The following SUPT3H variants were observed in gnomAD, a reference collection of about 807,000 sequenced individuals.
SUPT3H encodes the protein transcription initiation protein SPT3 homolog.
Under a neutral mutation model 44.3 loss-of-function variants are expected in SUPT3H, and 44 were observed. The ratio of observed to expected loss-of-function variants is 0.99; its 90% confidence interval spans 0.78 to 1.28. The LOEUF (loss-of-function observed/expected upper bound fraction) is 1.28. Ranked by LOEUF, SUPT3H falls within the 50% of genes most tolerant of loss-of-function variation. The pLI is 0.00. For missense variants in SUPT3H, 380 were observed against 387.1 expected (o/e 0.98, Z 0.15); for synonymous variants, 124 against 125.6 (o/e 0.99, Z 0.09).
intron 10 of SUPT3H, among the ~76,000 whole-genome samples, chr6:44,879,327 G>C (rs1487586687): frequency 1.3e-5 from 2 of 152,190 alleles, no homozygotes; most frequent in African/African-American, 4.8e-5. Context: ...GAACTGGGCA[G>C]AGCCCACTGC....
intron 3 of SUPT3H, among the ~76,000 whole-genome samples, chr6:45,069,391 A>G (rs1191332534): frequency 2.0e-5 from 3 of 152,202 alleles, no homozygotes; most frequent in African/African-American, 7.2e-5. Flanking sequence ...AAATCTGGAT[A>G]TCATCACCTG....
chr6:45,052,584 C>G (rs1790468154), intron 3 of SUPT3H, among the ~76,000 whole-genome samples: 1 of 152,144 alleles, frequency 6.6e-6, no homozygotes, highest in African/African-American at 2.4e-5. Flanking sequence ...CTCAGACACT[C>G]TTATTTAGCT....
chr6:45,365,884 T>TATG (rs3057619), intron 1 of SUPT3H, among the ~76,000 whole-genome samples: 62,806 of 151,394 alleles, frequency 0.41, 13,774 homozygotes, highest in Non-Finnish European at 0.5. Context: ...TCAAAAGCAT[T>TATG]ATATTTTATA....
At chr6:45,261,160 C>T (rs1774303375) in intron 2 of SUPT3H, among the ~76,000 whole-genome samples, 1 of 152,056 alleles carries the variant, frequency 6.6e-6, no homozygotes, top group African/African-American at 2.4e-5. Flanking sequence ...TAGTACCAAT[C>T]CTAGTGAAAT....
chr6:45,233,110 G>A (rs926900670), intron 2 of SUPT3H, among the ~76,000 whole-genome samples: 7 of 152,124 alleles, frequency 4.6e-5, no homozygotes, highest in Non-Finnish European at 8.8e-5. Context: ...TAGAAATTAC[G>A]CGCTTTAGTT....
intron 6 of SUPT3H, among the ~76,000 whole-genome samples, chr6:44,977,442 A>G (rs754685045): frequency 8.5e-5 from 13 of 152,128 alleles, no homozygotes; most frequent in Admixed American, 2.0e-4. Flanking sequence ...GATTCTCTGG[A>G]TTTTTTAAAA....
At chr6:45,025,003 T>C (rs1290666373) in intron 3 of SUPT3H, among the ~76,000 whole-genome samples, 1 of 152,204 alleles carries the variant, frequency 6.6e-6, no homozygotes, top group Non-Finnish European at 1.5e-5. Context: ...GTCTCCAGCT[T>C]GCCAAATGAA....
At chr6:45,030,891 C>A (rs1786814938) in intron 3 of SUPT3H, among the ~76,000 whole-genome samples, 1 of 152,178 alleles carries the variant, frequency 6.6e-6, no homozygotes, top group South Asian at 2.1e-4. Context: ...GGGCAAGGAT[C>A]TGCTATGAAA....
chr6:44,826,465 AC>A (rs1273038315), downstream of SUPT3H, among the ~76,000 whole-genome samples: 1 of 152,232 alleles, frequency 6.6e-6, no homozygotes, highest in Admixed American at 6.5e-5. Context: ...GTGTTTATGT[AC>A]TATGAAATGT....
chr6:45,170,439 C>A (rs183163404), intron 2 of SUPT3H, among the ~76,000 whole-genome samples: 1 of 152,306 alleles, frequency 6.6e-6, no homozygotes, highest in African/African-American at 2.4e-5. Flanking sequence ...AACCTCTCTG[C>A]CCTCTCCAGC....
chr6:45,025,115 C>T (rs2153520592), intron 3 of SUPT3H, among the ~76,000 whole-genome samples: 1 of 152,264 alleles, frequency 6.6e-6, no homozygotes, highest in East Asian at 1.9e-4. Flanking sequence ...CACACTCACA[C>T]ATACTTACTG....
intron 2 of SUPT3H, among the ~76,000 whole-genome samples, chr6:45,219,086 T>C (rs140813792): frequency 3.3e-5 from 5 of 152,122 alleles, no homozygotes; most frequent in Non-Finnish European, 4.4e-5. Flanking sequence ...CACCAAAATA[T>C]GTTTGATGCA....
At chr6:45,128,366 A>G (rs931893663) in intron 2 of SUPT3H, among the ~76,000 whole-genome samples, 10 of 150,806 alleles carry the variant, frequency 6.6e-5, no homozygotes, top group Non-Finnish European at 1.5e-4. Flanking sequence ...CTAGCCAGGC[A>G]TGGTGGCATG....
chr6:45,088,891 T>C (rs1197907771), intron 3 of SUPT3H, among the ~76,000 whole-genome samples: 2 of 152,088 alleles, frequency 1.3e-5, no homozygotes, highest in Non-Finnish European at 2.9e-5. Context: ...TACTGAACTA[T>C]TGTTTACAGG....
At chr6:44,907,247 C>T (rs144653771) in intron 10 of SUPT3H, among the ~76,000 whole-genome samples, 77 of 152,178 alleles carry the variant, frequency 5.1e-4, no homozygotes, top group African/African-American at 1.7e-3. Flanking sequence ...ACCTCCTTTA[C>T]GGGGGAATAA....
At chr6:45,372,595 A>G (rs1213882255) in intron 1 of SUPT3H, among the ~76,000 whole-genome samples, 1 of 152,194 alleles carries the variant, frequency 6.6e-6, no homozygotes. Flanking sequence ...AAATTGTTTC[A>G]ATTTACTGTC....
chr6:45,278,432 C>T (rs1017371991), intron 2 of SUPT3H, among the ~76,000 whole-genome samples: 2 of 151,994 alleles, frequency 1.3e-5, no homozygotes, highest in African/African-American at 4.8e-5. Context: ...TATCCTATTC[C>T]ACAAAAGCAT....
At chr6:44,949,273 G>A (rs650842) in intron 9 of SUPT3H, among the ~76,000 whole-genome samples, 2,317 of 152,098 alleles carry the variant, frequency 0.015, 60 homozygotes, top group African/African-American at 0.048. Context: ...ATAGCATTAC[G>A]AGACATACCT....
At chr6:45,288,565 GTATATA>G (rs59842389) in intron 2 of SUPT3H, among the ~76,000 whole-genome samples, 7 of 95,492 alleles carry the variant, frequency 7.3e-5, no homozygotes, top group African/African-American at 2.5e-4. Context: ...ATATATATAT[GTATATA>G]TATATATATA....
Sources: allele counts gnomAD v4.1 joint callset (sites outside exome capture counted in the v4.1 genomes callset), GRCh38; gene constraint gnomAD v4.1.1; transcripts MANE v1.5; gene names NCBI Gene and HGNC (gene_info 2026-07-23, HGNC 2026-07-21).